OR1L6: variants seen among roughly 807,000 people sequenced by gnomAD.
The protein encoded by OR1L6 is olfactory receptor 1L6.
OR1L6 carries 2 observed loss-of-function variants against 3.0 expected under a neutral mutation model. The observed-to-expected ratio is 0.68, with a 90% CI of 0.28 to 2.13. OR1L6 has a LOEUF of 2.13. OR1L6 is among the 30% of genes most tolerant of loss of function. The probability of loss-of-function intolerance (pLI) is 0.14; values close to 1 mark genes in which losing one functional copy is unlikely to be tolerated. For synonymous variants in OR1L6, 121 were observed against 148.4 expected (o/e 0.82, Z 1.34); for missense variants, 304 against 378.4 (o/e 0.80, Z 1.63).
intron 1 of OR1L6, among the ~76,000 whole-genome samples, chr9:122,749,328 T>G (rs1353474766): frequency 6.6e-6 from 1 of 152,210 alleles, no homozygotes; most frequent in Admixed American, 6.5e-5. Flanking sequence ...ATGTTCAGTA[T>G]GTAGATTGCT....
At position 122,746,731 on chromosome 9, in the gene OR1L6, T is replaced by C. The variant is rs190176354; in HGVS notation, c.-13-3104T>C. Among the ~76,000 whole-genome samples, 11 of 152,322 alleles carry C rather than the reference T, an allele frequency of 7.2e-5. No homozygotes were observed. In the East Asian group the frequency reaches 2.1e-3, roughly 29 times the overall value. On this transcript the variant is annotated intron_variant, in intron 1 of 1. Transcript: ENST00000304720. ...ACTGCTAGTATACATGAGGATCTAA[T>C]TCCCTTTGTATAATGTCAAAAAAAT... is the stretch of plus-strand genomic sequence containing the variant.
intron 1 of OR1L6, among the ~76,000 whole-genome samples, chr9:122,747,446 T>C (rs538706367): frequency 6.6e-6 from 1 of 152,190 alleles, no homozygotes; most frequent in African/African-American, 2.4e-5. Flanking sequence ...AGGTGAATTT[T>C]AGAAAAACTT....
intron 1 of OR1L6, among the ~76,000 whole-genome samples, chr9:122,749,096 T>A (rs968962380): frequency 7.2e-5 from 11 of 152,228 alleles, no homozygotes; most frequent in African/African-American, 2.7e-4. Flanking sequence ...TCTTTCTGTA[T>A]TCTGTTCCAT....
At chr9:122,743,084 C>T (rs932375482) in intron 1 of OR1L6, among the ~76,000 whole-genome samples, 10 of 152,282 alleles carry the variant, frequency 6.6e-5, no homozygotes, top group South Asian at 4.1e-4. Flanking sequence ...CCTTAGGACT[C>T]GGGATACTTA....
intron 1 of OR1L6, among the ~76,000 whole-genome samples, chr9:122,745,046 G>T (rs942072429): frequency 6.6e-6 from 1 of 152,192 alleles, no homozygotes; most frequent in Non-Finnish European, 1.5e-5. Context: ...AATGTGGAAC[G>T]AACCCAAAGA....
chr9:122,747,547 G>A (rs1828848317), intron 1 of OR1L6, among the ~76,000 whole-genome samples: 1 of 151,914 alleles, frequency 6.6e-6, no homozygotes, highest in African/African-American at 2.4e-5. Flanking sequence ...TTAAAATATT[G>A]ATACAAATAT....
At chr9:122,746,461 G>A (rs1158508072) in intron 1 of OR1L6, among the ~76,000 whole-genome samples, 2 of 152,172 alleles carry the variant, frequency 1.3e-5, no homozygotes, top group South Asian at 4.1e-4. Context: ...ACTATAAACT[G>A]TTTAATAAAT....
chr9:122,747,158 AT>A (rs1189401225), intron 1 of OR1L6, among the ~76,000 whole-genome samples: 1 of 152,120 alleles, frequency 6.6e-6, no homozygotes, highest in African/African-American at 2.4e-5. Flanking sequence ...ATTGTGACAA[AT>A]ATCATTAATA....
intron 1 of OR1L6, among the ~76,000 whole-genome samples, chr9:122,745,244 AT>A (rs1369991530): frequency 6.6e-6 from 1 of 152,116 alleles, no homozygotes; most frequent in Non-Finnish European, 1.5e-5. Flanking sequence ...CCATTGTAAC[AT>A]TCTTGGGGTA....
intron 1 of OR1L6, among the ~76,000 whole-genome samples, chr9:122,744,477 C>A (rs1299614942): frequency 6.6e-6 from 1 of 152,114 alleles, no homozygotes; most frequent in Non-Finnish European, 1.5e-5. Flanking sequence ...AAAGGAAAAA[C>A]AACCTGAGAT....
chr9:122,745,473 C>T (rs1171731924), intron 1 of OR1L6, among the ~76,000 whole-genome samples: 2 of 116,626 alleles, frequency 1.7e-5, no homozygotes, highest in Admixed American at 1.3e-4. Context: ...AGTGCAGTGG[C>T]GTGATCTCGG....
In OR1L6 at chr9:122,750,491, T is replaced by C. The variant is rs10985760; in HGVS notation, c.644T>C (p.Ile215Thr). Reference protein sequence around the residue: ...LAVIVTPFLCIIFSYLRIMVT... With the variant: ...LAVIVTPFLCTIFSYLRIMVT... ...GTCATTGTGACCCCCTTCCTGTGTA[T>C]CATCTTCTCCTACCTGCGAATCATG... Residue 215 changes from isoleucine to threonine, a missense_variant, in exon 2 of 2, where the codon ATC (isoleucine) becomes ACC (threonine). By Grantham distance (89) the Ile-to-Thr change is moderately conservative (BLOSUM62 -1). This residue lies in a region of OR1L6 where 21 missense variants were observed against 47.9 expected (regional missense o/e 0.44). Coordinates refer to ENST00000304720, the MANE Select transcript of OR1L6 (RefSeq NM_001004453.3). 0.92 allele frequency: 884,269 copies of C among 962,976 alleles called. 426,595 individuals are homozygous for C. Among genetic ancestry groups the C allele is most frequent in the East Asian group, 1 (41,056 of 41,084 alleles). The allele number at this position is 962,976 out of a possible 1,614,324, so 59.7% of individuals were successfully genotyped here.
intron 1 of OR1L6, among the ~76,000 whole-genome samples, chr9:122,745,898 T>C (rs780644132): frequency 4.1e-4 from 62 of 152,194 alleles, no homozygotes; most frequent in Non-Finnish European, 8.5e-4. Context: ...CTTTAAGTCC[T>C]AGAATGTGCA....
Position 122,750,680 on chromosome 9 carries a change from T to G in OR1L6, c.833T>G (p.Met278Arg), listed in dbSNP as rs201479040. Residue 278 changes from methionine (M) to arginine (R), a missense_variant, in exon 2 of 2, where the codon ATG becomes AGG. Physicochemically the swap from Met to Arg is moderately conservative, Grantham distance 91. This residue lies in a region of OR1L6 where 91 missense variants were observed against 87.8 expected (regional missense o/e 1.04). Coordinates refer to ENST00000304720, the MANE Select transcript of OR1L6 (RefSeq NM_001004453.3). ...GTTAGGGACCGGGTAGCCACAGTTATGTACACAGTAGTGACACCCATGCTG... is the reference window on the plus strand; with the variant it reads ...GTTAGGGACCGGGTAGCCACAGTTAGGTACACAGTAGTGACACCCATGCTG... Reference protein sequence around the residue: ...SVVRDRVATVMYTVVTPMLNP... With the variant: ...SVVRDRVATVRYTVVTPMLNP... 166 of 1,613,934 alleles carry G rather than the reference T, an allele frequency of 1.0e-4. No individual in the cohort carries two copies. The highest frequency in any genetic ancestry group is 1.3e-4 in the Non-Finnish European group (158 of 1,180,040).
In OR1L6 at chr9:122,750,637, C is replaced by T; in HGVS notation, c.790C>T (p.Leu264=). The change falls in exon 2 of 2, where the codon CTG becomes TTG. Residue 264 remains leucine, a synonymous_variant. Transcript: ENST00000304720. ...TATTATTTATGTCTATTTTAGGCCC[C>T]TGTCCATGTACTCAGTGGTTAGGGA... The part of the protein sequence containing the change: ...GSIIYVYFRP[L]SMYSVVRDRV... 2 of 1,614,220 alleles carry T rather than the reference C, an allele frequency of 1.2e-6. No individual in the cohort carries two copies. The highest frequency in any genetic ancestry group is 3.3e-5 in the Admixed American group (2 of 60,028).
intron 1 of OR1L6, among the ~76,000 whole-genome samples, chr9:122,749,194 C>T (rs1170974375): frequency 6.6e-6 from 1 of 152,186 alleles, no homozygotes; most frequent in Non-Finnish European, 1.5e-5. Context: ...AATGTGATGC[C>T]TCCAGCTTTG....
rs1004664818 is a variant in OR1L6, at chr9:122,749,746, T to C, written c.-13-89T>C. 4.2e-6 allele frequency: 5 copies of C among 1,204,636 alleles called. No individual in the cohort carries two copies. In the African/African-American group the frequency reaches 7.6e-5, roughly 18 times the overall value. The allele number at this position is 1,204,636 out of a possible 1,614,324, so 74.6% of individuals were successfully genotyped here. A position where few individuals can be genotyped will look rare whatever the true frequency, so the allele number is the denominator to read the frequency against. Reference sequence around the variant, plus strand: ...ACAACCGTAACAAAGGGCTATGAGCTATTTTTACAGGCTTAAGCTTATGAA... The same window carrying C: ...ACAACCGTAACAAAGGGCTATGAGCCATTTTTACAGGCTTAAGCTTATGAA... On this transcript the variant is annotated intron_variant, in intron 1 of 1. Transcript: ENST00000304720.
rs1369025964 is a variant in OR1L6, at chr9:122,750,431, C to T, written c.584C>T (p.Ser195Phe). ...AAGCTCTCCTGCTCTGACACATCCT[C>T]CAGCCAGATGGTGGTGATGACTGAG... ...VLKLSCSDTSSSQMVVMTETL... is the reference protein window; with the variant it reads ...VLKLSCSDTSFSQMVVMTETL... The change falls in exon 2 of 2, where the codon TCC (serine) becomes TTC (phenylalanine). Residue 195 changes from serine to phenylalanine, a missense_variant. Around this residue, in one of 3 missense-constraint regions of OR1L6, gnomAD observed 192 missense variants for 242.7 expected, o/e 0.79. Transcript: ENST00000304720. 3 of 1,599,594 alleles carry T rather than the reference C, an allele frequency of 1.9e-6. No individual in the cohort carries two copies. Among genetic ancestry groups the T allele is most frequent in the Non-Finnish European group, 2.6e-6 (3 of 1,171,046 alleles).
At chr9:122,745,430 T>TTTTTG (rs1828827280) in intron 1 of OR1L6, among the ~76,000 whole-genome samples, 1 of 146,424 alleles carries the variant, frequency 6.8e-6, no homozygotes. Context: ...TTTTTTTATT[T>TTTTTG]GAGATGGAGT....
Sources: allele counts gnomAD v4.1 joint callset (sites outside exome capture counted in the v4.1 genomes callset), GRCh38; gene constraint gnomAD v4.1.1; regional missense constraint gnomAD v4.1.1; transcripts MANE v1.5; gene names NCBI Gene and HGNC (gene_info 2026-07-23, HGNC 2026-07-21).